The following RSU1 variants were observed in gnomAD, a reference collection of about 807,000 sequenced individuals.
RSU1 encodes the protein rsu-1.
RSU1 carries 26 observed loss-of-function variants against 31.1 expected under a neutral mutation model. That is an observed-to-expected ratio of 0.84 (90% CI 0.61 to 1.16). RSU1 has a LOEUF of 1.16. RSU1 is among the 50% of genes most tolerant of loss of function. The probability of loss-of-function intolerance (pLI) is 0.00; values close to 1 mark genes in which losing one functional copy is unlikely to be tolerated. For missense variants in RSU1, 320 were observed against 339.1 expected (o/e 0.94, Z 0.44); for synonymous variants, 164 against 136.3 (o/e 1.20, Z -1.41).
chr10:16,725,368 C>G (rs4748314), intron 7 of RSU1, among the ~76,000 whole-genome samples: 1 of 151,806 alleles, frequency 6.6e-6, no homozygotes, highest in Non-Finnish European at 1.5e-5. Context: ...AAAGGTGACT[C>G]GAGATTTTTA....
At chr10:16,754,730 G>T (rs1015136502) in intron 5 of RSU1, 141 bp downstream of exon 5, 1 of 628,710 alleles carries the variant, frequency 1.6e-6, no homozygotes, top group Non-Finnish European at 2.9e-6. Context: ...AGCTACGAAG[G>T]AATATTCAAA....
intron 8 of RSU1, among the ~76,000 whole-genome samples, chr10:16,645,950 G>A (rs368306667): frequency 0.21 from 8,252 of 38,688 alleles, 2,011 homozygotes; most frequent in South Asian, 0.33. Context: ...ATATATATGT[G>A]TATATACATA....
intron 8 of RSU1, among the ~76,000 whole-genome samples, chr10:16,643,184 T>C (rs1244333478): frequency 1.3e-5 from 2 of 152,166 alleles, no homozygotes; most frequent in Admixed American, 6.5e-5. Context: ...GGGGGTGATA[T>C]GGATTTGTCT....
At chr10:16,705,890 C>T (rs926377610) in intron 7 of RSU1, among the ~76,000 whole-genome samples, 1 of 152,150 alleles carries the variant, frequency 6.6e-6, no homozygotes, top group Non-Finnish European at 1.5e-5. Context: ...AATCCTCCTA[C>T]CTCAGTCTCC....
intron 8 of RSU1, among the ~76,000 whole-genome samples, chr10:16,626,672 C>T (rs1342538899): frequency 3.3e-5 from 5 of 152,152 alleles, no homozygotes; most frequent in Non-Finnish European, 7.4e-5. Flanking sequence ...ACTACTGAAG[C>T]TTCAGTTGCC....
Position 16,764,314 on chromosome 10 carries a change from A to G in RSU1, c.281+76T>C, listed in dbSNP as rs572589274. On this transcript the variant is annotated intron_variant, in intron 4 of 8. Coordinates refer to ENST00000345264, the MANE Select transcript of RSU1 (RefSeq NM_012425.4). ...ATTTCTGTGCAATAATATAAAAGGA[A>G]TCCCTCCCCTGGCCTTACCCGGCAT... 102 of 1,379,842 alleles carry G rather than the reference A, an allele frequency of 7.4e-5. 1 individual carries two copies. In the South Asian group the frequency reaches 1.6e-3, roughly 22 times the overall value. The allele number at this position is 1,379,842 out of a possible 1,614,324, so 85.5% of individuals were successfully genotyped here. A position where few individuals can be genotyped will look rare whatever the true frequency, so the allele number is the denominator to read the frequency against.
chr10:16,805,397 A>G (rs1388793818), intron 2 of RSU1, among the ~76,000 whole-genome samples: 1 of 151,880 alleles, frequency 6.6e-6, no homozygotes, highest in Non-Finnish European at 1.5e-5. Flanking sequence ...TTTGGCCGGG[A>G]GCGGTGGCTC....
intron 8 of RSU1, among the ~76,000 whole-genome samples, chr10:16,623,340 T>C (rs1254354017): frequency 6.6e-6 from 1 of 152,226 alleles, no homozygotes; most frequent in South Asian, 2.1e-4. Flanking sequence ...TCCAGCTCCA[T>C]ATGTTGCTGC....
At chr10:16,709,819 C>A (rs546180746) in intron 7 of RSU1, among the ~76,000 whole-genome samples, 281 of 152,202 alleles carry the variant, frequency 1.8e-3, no homozygotes, top group Non-Finnish European at 2.9e-3. Context: ...TGTTCATATC[C>A]TTTGCCCACT....
At chr10:16,619,260 T>C (rs1834030308) in intron 8 of RSU1, among the ~76,000 whole-genome samples, 1 of 152,256 alleles carries the variant, frequency 6.6e-6, no homozygotes, top group Admixed American at 6.5e-5. Flanking sequence ...GCAGCAAGCA[T>C]CTACCTGGCA....
At chr10:16,814,042 G>C (rs531804954) in intron 2 of RSU1, among the ~76,000 whole-genome samples, 1 of 152,300 alleles carries the variant, frequency 6.6e-6, no homozygotes, top group Admixed American at 6.5e-5. Context: ...GGGAAAACTT[G>C]AGATGCAAGA....
At chr10:16,698,386 T>C (rs1020733248) in intron 7 of RSU1, among the ~76,000 whole-genome samples, 26 of 152,166 alleles carry the variant, frequency 1.7e-4, no homozygotes, top group African/African-American at 6.3e-4. Flanking sequence ...AGCACTCGTG[T>C]TCTACTACTG....
At chr10:16,620,093 T>A (rs959593677) in intron 8 of RSU1, among the ~76,000 whole-genome samples, 6 of 152,198 alleles carry the variant, frequency 3.9e-5, no homozygotes, top group Non-Finnish European at 5.9e-5. Context: ...GGGAAACTGC[T>A]TCAAATATTC....
intron 8 of RSU1, among the ~76,000 whole-genome samples, chr10:16,594,207 T>C (rs983341360): frequency 6.6e-6 from 1 of 151,984 alleles, no homozygotes; most frequent in Non-Finnish European, 1.5e-5. Flanking sequence ...TATAACTGTG[T>C]CTCCAAGAGA....
chr10:16,670,520 T>C (rs1835086714), intron 8 of RSU1, among the ~76,000 whole-genome samples: 1 of 152,156 alleles, frequency 6.6e-6, no homozygotes, highest in East Asian at 1.9e-4. Flanking sequence ...GGCTGGTGAC[T>C]AATCAAAGCA....
intron 8 of RSU1, among the ~76,000 whole-genome samples, chr10:16,616,879 T>A (rs1192928805): frequency 6.6e-6 from 1 of 152,146 alleles, no homozygotes; most frequent in East Asian, 1.9e-4. Context: ...AAAAGATCTG[T>A]TTATGACAAA....
chr10:16,785,804 G>C (rs1052564426), intron 2 of RSU1, among the ~76,000 whole-genome samples: 2 of 151,760 alleles, frequency 1.3e-5, no homozygotes, highest in African/African-American at 2.4e-5. Flanking sequence ...CTTTGATCGC[G>C]TAAGTCTGCC....
At chr10:16,727,698 T>C (rs1836426860) in intron 7 of RSU1, among the ~76,000 whole-genome samples, 1 of 152,092 alleles carries the variant, frequency 6.6e-6, no homozygotes, top group Non-Finnish European at 1.5e-5. Context: ...AACAGTAAAG[T>C]GATAAAATAA....
chr10:16,787,741 G>A (rs1837824409), intron 2 of RSU1, among the ~76,000 whole-genome samples: 1 of 152,126 alleles, frequency 6.6e-6, no homozygotes, highest in African/African-American at 2.4e-5. Context: ...TTCATCTCCT[G>A]CCATCACTGT....
Sources: allele counts gnomAD v4.1 joint callset (sites outside exome capture counted in the v4.1 genomes callset), GRCh38; gene constraint gnomAD v4.1.1; transcripts MANE v1.5; gene names NCBI Gene and HGNC (gene_info 2026-07-23, HGNC 2026-07-21).